SUGCT: variants seen among roughly 807,000 people sequenced by gnomAD.
The protein encoded by SUGCT is succinyl-CoA:glutarate-CoA transferase.
A neutral mutation model predicts 55.0 loss-of-function variants in SUGCT; 41 were observed. The observed-to-expected ratio is 0.74, with a 90% CI of 0.58 to 0.97. SUGCT has a LOEUF of 0.97. SUGCT is among the 50% of genes least tolerant of loss of function. The pLI, the probability that SUGCT is intolerant of heterozygous loss-of-function variation, is 0.00. For missense variants in SUGCT, 568 were observed against 547.8 expected, an observed-to-expected ratio of 1.04 and a Z score of -0.37; for synonymous variants, 187 against 200.4, an observed-to-expected ratio of 0.93 and a Z score of 0.56.
At chr7:40,796,584 C>T (rs577796089) in intron 13 of SUGCT, among the ~76,000 whole-genome samples, 1 of 152,142 alleles carries the variant, frequency 6.6e-6, no homozygotes, top group Non-Finnish European at 1.5e-5. Flanking sequence ...AGGCAGCTTC[C>T]ATCATCATTC....
At chr7:40,446,318 C>T (rs946813006) in intron 9 of SUGCT, among the ~76,000 whole-genome samples, 1 of 152,116 alleles carries the variant, frequency 6.6e-6, no homozygotes, top group African/African-American at 2.4e-5. Flanking sequence ...TGTTACTTCA[C>T]ATTTACTTAT....
the SUGCT span, among the ~76,000 whole-genome samples, chr7:41,003,515 T>C: frequency 6.6e-6 from 1 of 152,166 alleles, no homozygotes; most frequent in Non-Finnish European, 1.5e-5. Flanking sequence ...AAAACAGAAA[T>C]CTTGCCTACT....
At chr7:40,552,761 C>A (rs1238078186) in intron 12 of SUGCT, among the ~76,000 whole-genome samples, 4 of 150,212 alleles carry the variant, frequency 2.7e-5, no homozygotes, top group Admixed American at 6.7e-5. Flanking sequence ...TCCAGCCCCC[C>A]ATCCCCACCC....
chr7:40,840,527 C>T (rs1793223683), intron 13 of SUGCT, among the ~76,000 whole-genome samples: 1 of 145,680 alleles, frequency 6.9e-6, no homozygotes, highest in African/African-American at 2.5e-5. Context: ...GAAAATATAA[C>T]ATGTCAAAAT....
chr7:40,913,917 G>A, the SUGCT span, among the ~76,000 whole-genome samples: 2 of 152,150 alleles, frequency 1.3e-5, no homozygotes, highest in Admixed American at 6.5e-5. Context: ...GCCAGGTCTG[G>A]CATCAGTGGA....
At chr7:40,832,864 C>CG (rs1792769051) in intron 13 of SUGCT, among the ~76,000 whole-genome samples, 1 of 151,906 alleles carries the variant, frequency 6.6e-6, no homozygotes, top group Admixed American at 6.5e-5. Context: ...TTAGTAGAGA[C>CG]GGGGTGTCAC....
chr7:40,581,637 A>G (rs1450516873), intron 12 of SUGCT, among the ~76,000 whole-genome samples: 2 of 152,202 alleles, frequency 1.3e-5, no homozygotes, highest in Non-Finnish European at 2.9e-5. Context: ...TATCTTCCAA[A>G]TGATGTGTGT....
chr7:40,969,392 G>C, the SUGCT span, among the ~76,000 whole-genome samples: 1 of 152,192 alleles, frequency 6.6e-6, no homozygotes, highest in East Asian at 1.9e-4. Flanking sequence ...ACAGAATGGT[G>C]CTCTATTGCC....
the SUGCT span, among the ~76,000 whole-genome samples, chr7:40,932,312 T>G: frequency 6.6e-6 from 1 of 152,194 alleles, no homozygotes; most frequent in Non-Finnish European, 1.5e-5. Context: ...TTTTTGTTCT[T>G]TTACATTTGC....
intron 12 of SUGCT, among the ~76,000 whole-genome samples, chr7:40,720,442 A>T (rs983530771): frequency 6.6e-6 from 1 of 152,216 alleles, no homozygotes; most frequent in Non-Finnish European, 1.5e-5. Flanking sequence ...GAACAGTTTT[A>T]GAATGAAGCA....
At chr7:40,693,623 T>C (rs893791809) in intron 12 of SUGCT, among the ~76,000 whole-genome samples, 3 of 152,184 alleles carry the variant, frequency 2.0e-5, no homozygotes, top group African/African-American at 7.2e-5. Context: ...GGAGCATGAA[T>C]CACCTGGACA....
chr7:40,535,321 C>A (rs528499375), intron 12 of SUGCT, among the ~76,000 whole-genome samples: 1 of 152,218 alleles, frequency 6.6e-6, no homozygotes, highest in Admixed American at 6.5e-5. Flanking sequence ...TCCTCCCTAC[C>A]CCCGGTAGTC....
chr7:40,252,147 T>C (rs1790468308), intron 7 of SUGCT, among the ~76,000 whole-genome samples: 1 of 152,152 alleles, frequency 6.6e-6, no homozygotes, highest in Admixed American at 6.6e-5. Flanking sequence ...AATCTTAAGA[T>C]TTTTTGAGAC....
chr7:40,393,410 A>T (rs1785548093), intron 9 of SUGCT, among the ~76,000 whole-genome samples: 1 of 152,192 alleles, frequency 6.6e-6, no homozygotes, highest in Non-Finnish European at 1.5e-5. Flanking sequence ...GCAAGAAGCG[A>T]TTTGATAGAA....
At chr7:40,936,769 A>G in the SUGCT span, among the ~76,000 whole-genome samples, 1 of 151,908 alleles carries the variant, frequency 6.6e-6, no homozygotes, top group Non-Finnish European at 1.5e-5. Context: ...CTTTAGCTAC[A>G]TATTATATAT....
At chr7:41,001,400 GA>G in the SUGCT span, among the ~76,000 whole-genome samples, 1 of 152,160 alleles carries the variant, frequency 6.6e-6, no homozygotes, top group Non-Finnish European at 1.5e-5. Context: ...AGGGGGAATA[GA>G]AGTCTTGTTG....
intron 9 of SUGCT, among the ~76,000 whole-genome samples, chr7:40,398,103 C>CT (rs1212743407): frequency 6.6e-6 from 1 of 151,856 alleles, no homozygotes; most frequent in Non-Finnish European, 1.5e-5. Flanking sequence ...CTTTTCTTTT[C>CT]TTTTTTTGAG....
At chr7:40,708,832 G>T (rs917917765) in intron 12 of SUGCT, among the ~76,000 whole-genome samples, 12 of 150,980 alleles carry the variant, frequency 7.9e-5, no homozygotes, top group Non-Finnish European at 1.5e-4. Flanking sequence ...TCTTTCTTCT[G>T]GTCCATAGTA....
In SUGCT at chr7:40,453,814, C is replaced by T. The variant is rs1187889565; in HGVS notation, c.888+4456C>T. Among the ~76,000 whole-genome samples, 3 of 152,190 alleles carry T rather than the reference C, an allele frequency of 2.0e-5. No homozygotes were observed. In the East Asian group the frequency reaches 5.8e-4, roughly 29 times the overall value. ...TGAAGAACCAGAACTTGCATGAGAA[C>T]AGGCCATCAATGCCAACGCGAAGAT... On this transcript the variant is annotated intron_variant, in intron 10 of 13. Transcript: ENST00000335693.
Sources: allele counts gnomAD v4.1 joint callset (sites outside exome capture counted in the v4.1 genomes callset), GRCh38; gene constraint gnomAD v4.1.1; transcripts MANE v1.5; gene names NCBI Gene and HGNC (gene_info 2026-07-23, HGNC 2026-07-21).